TMEM209: variants seen among roughly 807,000 people sequenced by gnomAD.
The protein encoded by TMEM209 is transmembrane protein 209, also known as testicular tissue protein Li 202.
TMEM209 carries 65 observed loss-of-function variants against 76.2 expected under a neutral mutation model. The observed-to-expected ratio is 0.85, with a 90% CI of 0.70 to 1.05. The LOEUF is 1.05. TMEM209 is among the 50% of genes least tolerant of loss of function. The pLI, the probability that TMEM209 is intolerant of heterozygous loss-of-function variation, is 0.00. For synonymous variants in TMEM209, 239 were observed against 237.6 expected (o/e 1.01, Z -0.06); for missense variants, 623 against 685.5 (o/e 0.91, Z 1.02).
chr7:130,187,523 C>G (rs1167579948), intron 6 of TMEM209, among the ~76,000 whole-genome samples: 1 of 151,782 alleles, frequency 6.6e-6, no homozygotes. Context: ...TTCTCCTACC[C>G]CTAGTCCCTG....
At chr7:130,171,864 T>A (rs1797078593) in intron 13 of TMEM209, among the ~76,000 whole-genome samples, 1 of 151,856 alleles carries the variant, frequency 6.6e-6, no homozygotes, top group African/African-American at 2.4e-5. Context: ...CCCCGTCTCT[T>A]ACTAAAAATA....
At chr7:130,202,193 AAC>A (rs1349358252) in intron 4 of TMEM209, 102 bp from the exon 5 acceptor site, 7 of 1,388,086 alleles carry the variant, frequency 5.0e-6, no homozygotes, top group East Asian at 4.8e-5. Flanking sequence ...GAAAAAAGTT[AAC>A]AGAGTTACTT....
intron 1 of TMEM209, 62 bp downstream of exon 1, chr7:130,205,311 G>T (rs1165650026): frequency 8.1e-6 from 13 of 1,613,486 alleles, no homozygotes; most frequent in Non-Finnish European, 1.0e-5. Flanking sequence ...AGCAGGCGCG[G>T]AACTCCCACA....
intron 1 of TMEM209, chr7:130,204,829 G>A (rs889313586): frequency 8.1e-5 from 51 of 630,072 alleles, no homozygotes; most frequent in Non-Finnish European, 1.0e-4. Flanking sequence ...TCTGCTGTAA[G>A]TCATAAAGAC....
In TMEM209 at chr7:130,202,081, A is replaced by C. The variant is rs748457279; in HGVS notation, c.342T>G (p.Thr114=). The part of the protein sequence containing the change: ...LLGLKTAVVQ[T]TPPHDLAATQ... ...TTGCTGCCAGATCATGTGGAGGCGT[A>C]GTCTGTACAACTAGAAGGAAAAAAA... Residue 114 remains threonine, a synonymous_variant, in exon 5 of 15, where the codon ACT becomes ACG. Transcript: ENST00000397622. 2 of 1,611,560 alleles carry C rather than the reference A, an allele frequency of 1.2e-6. No homozygotes were observed. Among genetic ancestry groups the C allele is most frequent in the Admixed American group, 3.3e-5 (2 of 59,794 alleles).
chr7:130,205,009 A>C, intron 1 of TMEM209: 1 of 1,191,680 alleles, frequency 8.4e-7, no homozygotes, highest in Non-Finnish European at 1.1e-6. Context: ...GAGAGGGGAA[A>C]ACGTGCATTG....
At chr7:130,203,765 T>C (rs1187713977) in intron 3 of TMEM209, 23 bp downstream of exon 3, 1 of 1,577,204 alleles carries the variant, frequency 6.3e-7, no homozygotes, top group African/African-American at 1.4e-5. Flanking sequence ...AAATGTAAGT[T>C]ACAGTGAAAA....
intron 9 of TMEM209, among the ~76,000 whole-genome samples, chr7:130,180,951 C>T (rs1032317181): frequency 5.3e-5 from 8 of 152,200 alleles, no homozygotes; most frequent in Admixed American, 6.5e-5. Context: ...AACAATTCCA[C>T]CCCTAGGTAT....
chr7:130,190,713 G>A (rs375836788), intron 6 of TMEM209, among the ~76,000 whole-genome samples: 46 of 152,258 alleles, frequency 3.0e-4, no homozygotes, highest in African/African-American at 9.4e-4. Context: ...AAAGTTTGAT[G>A]GGGTCAGGCA....
At chr7:130,192,581 C>T in intron 6 of TMEM209, 41 bp downstream of exon 6, 1 of 1,561,664 alleles carries the variant, frequency 6.4e-7, no homozygotes, top group Non-Finnish European at 8.8e-7. Flanking sequence ...AGGATTGACA[C>T]CAAAAATATG....
At chr7:130,195,872 T>C (rs1268964309) in intron 5 of TMEM209, among the ~76,000 whole-genome samples, 1 of 152,158 alleles carries the variant, frequency 6.6e-6, no homozygotes, top group Non-Finnish European at 1.5e-5. Context: ...TCATTATATA[T>C]GTTAGGCAAT....
intron 6 of TMEM209, 70 bp downstream of exon 6, chr7:130,192,549 AAAT>A: frequency 7.7e-7 from 1 of 1,296,478 alleles, no homozygotes; most frequent in Non-Finnish European, 1.1e-6. Context: ...ATGGATATTA[AAAT>A]AATGAAAATA....
intron 1 of TMEM209, chr7:130,204,844 G>T: frequency 1.4e-6 from 1 of 723,420 alleles, no homozygotes; most frequent in Non-Finnish European, 1.7e-6. Context: ...AAAGACTGTT[G>T]TACATCCTCA....
In TMEM209 at chr7:130,181,606, G is replaced by A; in HGVS notation, c.1120+17C>T. ...TTTACTAATAGAAATCCAACACTGG[G>A]CTCTGTTTTCACATACCTCCTATCT... On this transcript the variant is annotated intron_variant, in intron 9 of 14. Transcript: ENST00000397622. 4 of 1,597,778 alleles carry A rather than the reference G, an allele frequency of 2.5e-6. No individual in the cohort carries two copies. The highest frequency in any genetic ancestry group is 2.6e-6 in the Non-Finnish European group (3 of 1,168,964).
intron 5 of TMEM209, among the ~76,000 whole-genome samples, chr7:130,194,084 A>G (rs865998996): frequency 6.6e-6 from 1 of 152,072 alleles, no homozygotes; most frequent in Middle Eastern, 3.4e-3. Context: ...CTGTAGTCCC[A>G]GCTACTCGGG....
chr7:130,193,726 GGAAAAGA>G, intron 5 of TMEM209, among the ~76,000 whole-genome samples: 1 of 151,540 alleles, frequency 6.6e-6, no homozygotes, highest in South Asian at 2.1e-4. Flanking sequence ...GGAATTTGGA[GGAAAAGA>G]TGAATGAATA....
chr7:130,197,237 C>T (rs1159730114), intron 5 of TMEM209, among the ~76,000 whole-genome samples: 1 of 152,154 alleles, frequency 6.6e-6, no homozygotes, highest in Non-Finnish European at 1.5e-5. Context: ...AAGCCATCAA[C>T]ATATGAGTGG....
intron 11 of TMEM209, 132 bp downstream of exon 11, chr7:130,175,380 G>T: frequency 1.3e-6 from 1 of 766,858 alleles, no homozygotes; most frequent in South Asian, 2.0e-5. Flanking sequence ...AGGAGCACTT[G>T]AGCCCTGGGA....
At position 130,170,868 on chromosome 7, in the gene TMEM209, G is replaced by A. The variant is rs187258750; in HGVS notation, c.1558-395C>T. On this transcript the variant is annotated intron_variant, in intron 13 of 14. Coordinates refer to ENST00000397622, the MANE Select transcript of TMEM209 (RefSeq NM_032842.4). ...TTTTGAGATGGAGTCTCGCTGTGTC[G>A]TCCAGGCTGGAGTGCAGTGGTGTGA... Among the ~76,000 whole-genome samples the A allele has an allele frequency of 3.1e-4, 46 of 149,782 alleles. 1 individual carries two copies. In the East Asian group the frequency reaches 7.0e-3, roughly 23 times the overall value.
Sources: gnomAD v4.1 joint callset for allele counts (sites outside exome capture counted in the v4.1 genomes callset) on GRCh38, gnomAD v4.1.1 for gene constraint, MANE v1.5 for transcripts, NCBI Gene and HGNC (gene_info 2026-07-23, HGNC 2026-07-21) for gene names.